Variants in RDH13 observed in about 807,000 individuals in gnomAD.
RDH13 encodes retinol dehydrogenase 13 (all-trans and 9-cis).
Under a neutral mutation model 28.3 loss-of-function variants are expected in RDH13, and 35 were observed. The observed-to-expected ratio is 1.24, with a 90% CI of 0.95 to 1.64. The LOEUF is 1.64. Ranked by LOEUF, RDH13 falls within the 40% of genes most tolerant of loss-of-function variation. The pLI is 0.00. For synonymous variants in RDH13, 229 were observed against 198.5 expected, an observed-to-expected ratio of 1.15 and a Z score of -1.29; for missense variants, 514 against 446.3, an observed-to-expected ratio of 1.15 and a Z score of -1.37.
At chr19:55,069,135 G>C (rs2076015973) in intron 1 of RDH13, among the ~76,000 whole-genome samples, 1 of 146,124 alleles carries the variant, frequency 6.8e-6, no homozygotes, top group East Asian at 2.0e-4. Flanking sequence ...CCGGTTTCAG[G>C]AAAGGGCTGC....
At chr19:55,059,319 C>T in intron 1 of RDH13, 44 bp from the exon 2 acceptor site, 1 of 1,306,820 alleles carries the variant, frequency 7.7e-7, no homozygotes, top group Non-Finnish European at 1.1e-6. Context: ...GGCCCACTCT[C>T]ACCCCACGTG....
chr19:55,056,998 A>G (rs1284233922), intron 2 of RDH13, among the ~76,000 whole-genome samples, 190 bp from the exon 3 acceptor site: 4 of 152,188 alleles, frequency 2.6e-5, no homozygotes, highest in African/African-American at 9.7e-5. Context: ...AATGTGGTCC[A>G]TCCATAGAGA....
chr19:55,053,305 A>G (rs2075518235), intron 3 of RDH13, among the ~76,000 whole-genome samples: 1 of 152,076 alleles, frequency 6.6e-6, no homozygotes, highest in Admixed American at 6.6e-5. Flanking sequence ...ATCTTAGGAA[A>G]ACACCAAGAA....
At chr19:55,052,585 C>A (rs1441450328) in intron 3 of RDH13, among the ~76,000 whole-genome samples, 1 of 151,334 alleles carries the variant, frequency 6.6e-6, no homozygotes. Flanking sequence ...CTCAACCTCC[C>A]AGGCTCAAGC....
chr19:55,052,884 G>T (rs1017569918), intron 3 of RDH13, among the ~76,000 whole-genome samples: 1 of 151,702 alleles, frequency 6.6e-6, no homozygotes, highest in Non-Finnish European at 1.5e-5. Flanking sequence ...GGATGGTCTC[G>T]ATCTCCTGAC....
At chr19:55,042,072 C>G (rs748102979), downstream of RDH13, 2 of 151,742 alleles carry the variant, frequency 1.3e-5, no homozygotes, top group African/African-American at 4.8e-5. Context: ...CTGACTCCCC[C>G]TCCCTCCCTG....
intron 2 of RDH13, among the ~76,000 whole-genome samples, chr19:55,057,024 C>T (rs1462876206): frequency 6.6e-6 from 1 of 152,096 alleles, no homozygotes; most frequent in East Asian, 1.9e-4. Flanking sequence ...TATTAGACGG[C>T]CGTGAAAAGG....
chr19:55,059,304 C>G (rs768563875), intron 1 of RDH13, 29 bp from the exon 2 acceptor site: 22 of 1,472,414 alleles, frequency 1.5e-5, no homozygotes, highest in Non-Finnish European at 2.0e-5. Context: ...ACGGTCAGTC[C>G]TGTGGGCCCA....
At position 55,045,129 on chromosome 19, in the gene RDH13, GCA is replaced by G. The variant is rs1356663135; in HGVS notation, c.939_940del (p.Ala314ProfsTer61). 1 of 1,613,398 alleles carries G rather than the reference GCA, an allele frequency of 6.2e-7. No homozygotes were observed. Among genetic ancestry groups the G allele is most frequent in the African/African-American group, 1.3e-5 (1 of 74,954 alleles). ...GGGAGCCTCTAAGCCCACCAGGCGGGCACTTTCAGCCCAAAGCCTCCGGGCCA... is the reference window on the plus strand; with the variant it reads ...GGGAGCCTCTAAGCCCACCAGGCGGGCTTTCAGCCCAAAGCCTCCGGGCCA... On this transcript the variant is annotated frameshift_variant, in exon 7 of 7. Coordinates refer to ENST00000415061, the MANE Select transcript of RDH13 (RefSeq NM_001145971.2). LOFTEE classifies it low-confidence loss of function (END_TRUNC).
chr19:55,058,914 C>T (rs992848774), intron 2 of RDH13, among the ~76,000 whole-genome samples: 6 of 152,218 alleles, frequency 3.9e-5, no homozygotes, highest in Non-Finnish European at 7.3e-5. Flanking sequence ...CTCCTGACCT[C>T]GTGATCCGCC....
At position 55,056,802 on chromosome 19, in the gene RDH13, T is replaced by C. The variant is rs1021031766; in HGVS notation, c.191A>G (p.Asn64Ser). Residue 64 changes from asparagine (N) to serine (S), a missense_variant, in exon 3 of 7, where the codon AAC becomes AGC. By Grantham distance (46) the Asn-to-Ser change is conservative. Coordinates refer to ENST00000415061, the MANE Select transcript of RDH13 (RefSeq NM_001145971.2). ...CATGTCTCGGCAGGCCAGGATGATG[T>C]TGCCTCCTGAAAACCCAGGATGGAA... Reference protein sequence around the residue: ...TALELARRGGNIILACRDMEK... With the variant: ...TALELARRGGSIILACRDMEK... The C allele has an allele frequency of 1.9e-6, 3 of 1,613,802 alleles. No homozygotes were observed. Among genetic ancestry groups the C allele is most frequent in the Admixed American group, 1.7e-5 (1 of 59,970 alleles).
chr19:55,062,458 G>C (rs2075835840), intron 1 of RDH13, among the ~76,000 whole-genome samples: 2 of 152,176 alleles, frequency 1.3e-5, no homozygotes, highest in Admixed American at 1.3e-4. Context: ...GAGGCAGGCG[G>C]ATCACCTGAG....
At chr19:55,047,551 G>C in intron 5 of RDH13, 63 bp from the exon 6 acceptor site, 1 of 1,537,738 alleles carries the variant, frequency 6.5e-7, no homozygotes, top group African/African-American at 1.4e-5. Context: ...GGCTGTGGCA[G>C]CCCACACCCA....
intron 3 of RDH13, among the ~76,000 whole-genome samples, chr19:55,051,946 G>A (rs969500756): frequency 1.3e-5 from 2 of 151,690 alleles, no homozygotes; most frequent in Admixed American, 1.3e-4. Context: ...TGCTTAGGCT[G>A]GTCTCGAATT....
intron 3 of RDH13, chr19:55,051,062 C>G (rs909573232): frequency 6.6e-6 from 1 of 150,570 alleles, no homozygotes; most frequent in African/African-American, 2.4e-5. Flanking sequence ...CAACTGTATA[C>G]TTACTCATTC....
At chr19:55,059,586 T>TGGGGG (rs202150997) in intron 1 of RDH13, among the ~76,000 whole-genome samples, 63 of 79,080 alleles carry the variant, frequency 8.0e-4, no homozygotes, top group Non-Finnish European at 9.2e-4. Flanking sequence ...GTTTTGGGGG[T>TGGGGG]GGGGGGGGGC....
upstream of RDH13, among the ~76,000 whole-genome samples, chr19:55,065,171 G>A (rs985409847): frequency 6.6e-6 from 1 of 151,286 alleles, no homozygotes; most frequent in African/African-American, 2.4e-5. Context: ...AATAGTATGA[G>A]CCCAGGAGTT....
At position 55,044,952 on chromosome 19, in the gene RDH13, C is replaced by A. The variant is rs1288771776; in HGVS notation, c.*122G>T. 8 of 707,220 alleles carry A rather than the reference C, an allele frequency of 1.1e-5. No individual in the cohort carries two copies. Among genetic ancestry groups the A allele is most frequent in the South Asian group, 3.7e-5 (2 of 53,860 alleles). 43.8% of individuals were successfully genotyped at this position (707,220 alleles called of 1,614,324 possible). A position where few individuals can be genotyped will look rare whatever the true frequency, so the allele number is the denominator to read the frequency against. On this transcript the variant is annotated 3_prime_UTR_variant, in exon 7 of 7. Coordinates refer to ENST00000415061, the MANE Select transcript of RDH13 (RefSeq NM_001145971.2). ...CAGCACCGCCCCCTAGAACCTACTG[C>A]GGGCATGGCGGCCGCCAGTCCTGGG...
At chr19:55,055,176 A>T (rs1039120467) in intron 3 of RDH13, among the ~76,000 whole-genome samples, 1 of 152,048 alleles carries the variant, frequency 6.6e-6, no homozygotes, top group South Asian at 2.1e-4. Flanking sequence ...TTATTGAGAC[A>T]GAGTCTCACT....
Sources: allele counts gnomAD v4.1 joint callset (sites outside exome capture counted in the v4.1 genomes callset), GRCh38; gene constraint gnomAD v4.1.1; transcripts MANE v1.5; gene names NCBI Gene and HGNC (gene_info 2026-07-23, HGNC 2026-07-21).